The following ZNF106 variants were observed in gnomAD, a reference collection of about 807,000 sequenced individuals.
The protein encoded by ZNF106 is SH3-domain binding protein 3.
Under a neutral mutation model 195.1 loss-of-function variants are expected in ZNF106, and 67 were observed. That is an observed-to-expected ratio of 0.34 (90% CI 0.28 to 0.42). The LOEUF (loss-of-function observed/expected upper bound fraction) is 0.42. Ranked by LOEUF, ZNF106 falls within the 10% of genes least tolerant of loss-of-function variation. The probability of loss-of-function intolerance (pLI) is 1.00; values close to 1 mark genes in which losing one functional copy is unlikely to be tolerated. For synonymous variants in ZNF106, 784 were observed against 818.6 expected, an observed-to-expected ratio of 0.96 and a Z score of 0.72; for missense variants, 2,118 against 2,304.5, an observed-to-expected ratio of 0.92 and a Z score of 1.66.
chr15:42,446,907 G>A (rs1023289056), intron 6 of ZNF106, among the ~76,000 whole-genome samples: 6 of 152,198 alleles, frequency 3.9e-5, no homozygotes, highest in African/African-American at 1.2e-4. Flanking sequence ...AGCCCATGGA[G>A]GTCAGGGAAA....
In ZNF106 at chr15:42,413,144, TAGTCACCAGGTAACCCAGC is replaced by T. The variant is rs1423934047; in HGVS notation, c.*4141_*4159del. 2 of 152,158 alleles carry T rather than the reference TAGTCACCAGGTAACCCAGC, an allele frequency of 1.3e-5. No individual in the cohort carries two copies. The allele number at this position is 152,158 out of a possible 1,614,324, so 9.4% of individuals were successfully genotyped here. A position where few individuals can be genotyped will look rare whatever the true frequency, so the allele number is the denominator to read the frequency against. On this transcript the variant is annotated 3_prime_UTR_variant, in exon 22 of 22. Coordinates refer to ENST00000564754, the MANE Select transcript of ZNF106 (RefSeq NM_001366845.3). ...GAATTTAGAGTGAATCTGGGAAATG[TAGTCACCAGGTAACCCAGC>T]AGGGCCATATACTTGGGCTTGGAGG... is the stretch of plus-strand genomic sequence containing the variant.
At chr15:42,433,972 CCAAA>C (rs1402692305) in intron 14 of ZNF106, among the ~76,000 whole-genome samples, 8 of 152,194 alleles carry the variant, frequency 5.3e-5, no homozygotes, top group Non-Finnish European at 1.0e-4. Flanking sequence ...CCTCAGCCTC[CCAAA>C]CAGCTAGGAC....
rs1477540928 is a variant in ZNF106 at position 42,413,737 on chromosome 15, G to C, written c.*3567C>G. The C allele has an allele frequency of 6.6e-6, 1 of 152,612 alleles. No individual in the cohort carries two copies. The highest frequency in any genetic ancestry group is 1.5e-5 in the Non-Finnish European group (1 of 68,038). The allele number at this position is 152,612 out of a possible 1,614,324, so 9.5% of individuals were successfully genotyped here. A position where few individuals can be genotyped will look rare whatever the true frequency, so the allele number is the denominator to read the frequency against. ...TAAGTCAGGAGCTGAACACTCAACTGTTAACTCTTCTGGGGAAGAAGAAAA... is the reference window on the plus strand; with the variant it reads ...TAAGTCAGGAGCTGAACACTCAACTCTTAACTCTTCTGGGGAAGAAGAAAA... On this transcript the variant is annotated 3_prime_UTR_variant, in exon 22 of 22. Transcript: ENST00000564754.
intron 2 of ZNF106, among the ~76,000 whole-genome samples, chr15:42,472,016 A>G (rs1229450605): frequency 1.3e-5 from 2 of 152,230 alleles, no homozygotes; most frequent in East Asian, 3.8e-4. Context: ...CTGGATGGAC[A>G]GAAGTTTAAT....
intron 20 of ZNF106, among the ~76,000 whole-genome samples, chr15:42,419,837 C>A (rs148308514): frequency 6.6e-6 from 1 of 152,126 alleles, no homozygotes; most frequent in Non-Finnish European, 1.5e-5. Context: ...GTGTTCCCAG[C>A]TACTAGGGAG....
At chr15:42,465,285 C>CT (rs897504453) in intron 3 of ZNF106, among the ~76,000 whole-genome samples, 4 of 151,078 alleles carry the variant, frequency 2.6e-5, no homozygotes, top group African/African-American at 4.9e-5. Flanking sequence ...TAGCATCCTT[C>CT]TTTTTTTTTG....
chr15:42,478,602 G>C (rs544021374), intron 1 of ZNF106, among the ~76,000 whole-genome samples: 1 of 135,256 alleles, frequency 7.4e-6, no homozygotes, highest in Non-Finnish European at 1.5e-5. Context: ...GGCAACCTCC[G>C]CCTCCCAGGT....
In ZNF106 at chr15:42,491,087, G is replaced by C. The variant is rs990975639; in HGVS notation, c.-140C>G. ...GTTTTGGGTCCGGGAGCCTGCTCCGGACCCGCTCCCCGCCGGGCCCCGCCA... is the reference window on the plus strand; with the variant it reads ...GTTTTGGGTCCGGGAGCCTGCTCCGCACCCGCTCCCCGCCGGGCCCCGCCA... On this transcript the variant is annotated 5_prime_UTR_variant, in exon 1 of 22. Transcript: ENST00000564754. 1 of 152,110 alleles carries C rather than the reference G, an allele frequency of 6.6e-6. No individual in the cohort carries two copies. 9.4% of individuals were successfully genotyped at this position (152,110 alleles called of 1,614,324 possible).
chr15:42,458,907 A>G (rs1040468443), intron 3 of ZNF106, among the ~76,000 whole-genome samples: 2 of 152,156 alleles, frequency 1.3e-5, no homozygotes, highest in African/African-American at 4.8e-5. Flanking sequence ...AACAATGCCC[A>G]GTAAGTTTAA....
chr15:42,443,842 C>G (rs1376104941), intron 9 of ZNF106, among the ~76,000 whole-genome samples: 1 of 152,138 alleles, frequency 6.6e-6, no homozygotes, highest in East Asian at 1.9e-4. Flanking sequence ...TGCAGTGGCT[C>G]ATGCCTGTAA....
In ZNF106 at chr15:42,429,913, G is replaced by T. The variant is rs927369078; in HGVS notation, c.4882-1779C>A. On this transcript the variant is annotated intron_variant, in intron 14 of 21. Coordinates refer to ENST00000564754, the MANE Select transcript of ZNF106 (RefSeq NM_001366845.3). Reference sequence around the variant, plus strand: ...GTGGTACAGTTATACTGATATGACAGCTAAGCACAGAGAAAAGTAATCTAT... The same window carrying T: ...GTGGTACAGTTATACTGATATGACATCTAAGCACAGAGAAAAGTAATCTAT... 3.6e-4 allele frequency among the ~76,000 whole-genome samples: 55 copies of T among 152,172 alleles called. 2 individuals carry two copies. Among genetic ancestry groups the T allele is most frequent in the African/African-American group, 1.2e-3 (50 of 41,418 alleles).
intron 11 of ZNF106, 40 bp downstream of exon 11, chr15:42,438,993 G>A: frequency 6.5e-7 from 1 of 1,537,146 alleles, no homozygotes; most frequent in Non-Finnish European, 8.7e-7. Context: ...AAATAAAGTT[G>A]GTGAAAGTTG....
intron 14 of ZNF106, among the ~76,000 whole-genome samples, 172 bp downstream of exon 14, chr15:42,435,212 T>C (rs2055227427): frequency 6.6e-6 from 1 of 152,234 alleles, no homozygotes; most frequent in Non-Finnish European, 1.5e-5. Context: ...AAATATGGTT[T>C]ATGTGTAAGT....
chr15:42,431,999 C>G (rs2055064738), intron 14 of ZNF106, among the ~76,000 whole-genome samples: 1 of 152,204 alleles, frequency 6.6e-6, no homozygotes, highest in Admixed American at 6.5e-5. Flanking sequence ...ATGTCCCCAA[C>G]TATAACTGTG....
chr15:42,453,474 G>GT (rs1334050686), intron 4 of ZNF106, among the ~76,000 whole-genome samples: 1 of 152,178 alleles, frequency 6.6e-6, no homozygotes, highest in African/African-American at 2.4e-5. Flanking sequence ...TTAGCATGTG[G>GT]TAAGTGCTCA....
At chr15:42,468,986 A>G (rs2141414248) in intron 2 of ZNF106, among the ~76,000 whole-genome samples, 1 of 152,236 alleles carries the variant, frequency 6.6e-6, no homozygotes, top group East Asian at 1.9e-4. Flanking sequence ...TAGGAGTTCG[A>G]GACCAGCCTG....
chr15:42,439,735 TG>T lies in ZNF106; in HGVS notation c.3841del (p.His1281MetfsTer7). The T allele has an allele frequency of 6.2e-7, 1 of 1,612,434 alleles. No individual in the cohort carries two copies. Among genetic ancestry groups the T allele is most frequent in the Non-Finnish European group, 8.5e-7 (1 of 1,179,448 alleles). On this transcript the variant is annotated frameshift_variant, in exon 11 of 22. Transcript: ENST00000564754. LOFTEE classifies it high-confidence loss of function. ...AAACTTCAGTTCTTGGCTAGGCTCATGGAAACTTTCTGTTGACTCTGGTAAG... is the reference window on the plus strand; with the variant it reads ...AAACTTCAGTTCTTGGCTAGGCTCATGAAACTTTCTGTTGACTCTGGTAAG... Reference protein sequence around the residue: ...LSLPESTESFHEPSQELKFSV... With the variant: ...LSLPESTESFXEPSQELKFSV...
intron 16 of ZNF106, 149 bp downstream of exon 16, chr15:42,424,685 G>T (rs1366720119): frequency 1.4e-6 from 1 of 718,898 alleles, no homozygotes; most frequent in Non-Finnish European, 2.2e-6. Flanking sequence ...TTGCCATGTT[G>T]CCCTGGCTGG....
At position 42,479,826 on chromosome 15, in the gene ZNF106, G is replaced by C. The variant is rs1481163040; in HGVS notation, c.-32-7505C>G. On this transcript the variant is annotated intron_variant, in intron 1 of 21. Coordinates refer to ENST00000564754, the MANE Select transcript of ZNF106 (RefSeq NM_001366845.3). ...CACTTCATTCCAGCCTCAGCAAAAGGGCAAAACTCCGTCTCAATAAATAAA... is the reference window on the plus strand; with the variant it reads ...CACTTCATTCCAGCCTCAGCAAAAGCGCAAAACTCCGTCTCAATAAATAAA... 2.0e-5 allele frequency among the ~76,000 whole-genome samples: 3 copies of C among 151,990 alleles called. No homozygotes were observed. The East Asian group carries it at 5.8e-4, about 29-fold the overall frequency.
Sources: gnomAD v4.1 joint callset for allele counts (sites outside exome capture counted in the v4.1 genomes callset) on GRCh38, gnomAD v4.1.1 for gene constraint, MANE v1.5 for transcripts, NCBI Gene and HGNC (gene_info 2026-07-23, HGNC 2026-07-21) for gene names.